FOXO3: variants seen among roughly 807,000 people sequenced by gnomAD.
The protein encoded by FOXO3 is forkhead box protein O3.
Under a neutral mutation model 41.9 loss-of-function variants are expected in FOXO3, and 4 were observed. The observed-to-expected ratio is 0.10, with a 90% confidence interval of 0.05 to 0.22. FOXO3 has a LOEUF of 0.22. Among genes scored for constraint, FOXO3 ranks in the 10% least tolerant of loss-of-function variants. FOXO3 has a pLI of 1.00. For missense variants in FOXO3, 534 were observed against 906.8 expected (o/e 0.59, Z 5.28); for synonymous variants, 318 against 389.3 (o/e 0.82, Z 2.16).
intron 1 of FOXO3, among the ~76,000 whole-genome samples, chr6:108,654,360 G>A (rs1305484842): frequency 2.6e-5 from 4 of 152,160 alleles, no homozygotes; most frequent in South Asian, 2.1e-4. Flanking sequence ...CAACAGAACC[G>A]TGTGTGGAGT....
intron 1 of FOXO3, among the ~76,000 whole-genome samples, chr6:108,562,704 C>T (rs1488698026): frequency 2.0e-5 from 3 of 152,118 alleles, no homozygotes; most frequent in South Asian, 2.1e-4. Flanking sequence ...TGTAAATGAA[C>T]CCGAAGAGAG....
At chr6:108,607,332 C>A (rs1271211403) in intron 1 of FOXO3, among the ~76,000 whole-genome samples, 1 of 151,656 alleles carries the variant, frequency 6.6e-6, no homozygotes, top group East Asian at 1.9e-4. Context: ...ACCTTTGGAT[C>A]GCAGCTACTT....
At chr6:108,587,335 G>C (rs1776608942) in intron 1 of FOXO3, among the ~76,000 whole-genome samples, 1 of 152,126 alleles carries the variant, frequency 6.6e-6, no homozygotes, top group Admixed American at 6.5e-5. Context: ...TGTGACAGAT[G>C]AAGGGGTCCT....
intron 1 of FOXO3, among the ~76,000 whole-genome samples, chr6:108,584,698 A>G (rs1057155849): frequency 1.6e-4 from 24 of 152,298 alleles, no homozygotes; most frequent in Admixed American, 1.6e-3. Context: ...ACTTGCATTT[A>G]CTAGGATGTA....
chr6:108,560,287 T>C (rs1775735243), upstream of FOXO3, among the ~76,000 whole-genome samples: 1 of 152,126 alleles, frequency 6.6e-6, no homozygotes, highest in African/African-American at 2.4e-5. Context: ...ATGTTCCGAC[T>C]CGCTCCCTCC....
chr6:108,612,120 T>C (rs998987675), intron 1 of FOXO3, among the ~76,000 whole-genome samples: 2 of 152,254 alleles, frequency 1.3e-5, no homozygotes, highest in African/African-American at 2.4e-5. Flanking sequence ...TCTAGTCATC[T>C]TTAATTTCTC....
intron 1 of FOXO3, among the ~76,000 whole-genome samples, chr6:108,628,952 C>T (rs1056097143): frequency 6.6e-6 from 1 of 152,026 alleles, no homozygotes; most frequent in Non-Finnish European, 1.5e-5. Context: ...TGTCATGTAG[C>T]AACAGAGTTT....
At position 108,644,790 on chromosome 6, in the gene FOXO3, G is replaced by T. The variant is rs557418515; in HGVS notation, c.622-18665G>T. ...TTCCTGACTTTCCAGTCTGTCTTAG[G>T]TACACCCAGCTGACCTTGTTATTTT... On this transcript the variant is annotated intron_variant, in intron 1 of 2. Coordinates refer to ENST00000406360, the MANE Select transcript of FOXO3 (RefSeq NM_001455.4). 2.4e-4 allele frequency among the ~76,000 whole-genome samples: 36 copies of T among 152,180 alleles called. No individual in the cohort carries two copies. In the South Asian group the frequency reaches 7.5e-3, roughly 32 times the overall value.
At chr6:108,605,605 T>A (rs961878800) in intron 1 of FOXO3, among the ~76,000 whole-genome samples, 1 of 152,246 alleles carries the variant, frequency 6.6e-6, no homozygotes, top group Non-Finnish European at 1.5e-5. Context: ...ATGACACTTC[T>A]GGTAAATAAA....
At chr6:108,586,411 G>A (rs1344351208) in intron 1 of FOXO3, among the ~76,000 whole-genome samples, 1 of 152,144 alleles carries the variant, frequency 6.6e-6, no homozygotes, top group South Asian at 2.1e-4. Flanking sequence ...TTGAAACTTG[G>A]TTCTCTGAGG....
chr6:108,612,454 C>A (rs12192569), intron 1 of FOXO3, among the ~76,000 whole-genome samples: 14,647 of 151,762 alleles, frequency 0.097, 733 homozygotes, highest in East Asian at 0.15. Context: ...CTGAGGTGGG[C>A]AGATCACCTG....
intron 1 of FOXO3, among the ~76,000 whole-genome samples, chr6:108,569,726 A>G (rs1776039725): frequency 6.6e-6 from 1 of 152,102 alleles, no homozygotes; most frequent in South Asian, 2.1e-4. Flanking sequence ...GATGTGCCCT[A>G]GGACTGCAGT....
At chr6:108,630,922 C>CA (rs1562250802) in intron 1 of FOXO3, among the ~76,000 whole-genome samples, 1 of 152,102 alleles carries the variant, frequency 6.6e-6, no homozygotes, top group South Asian at 2.1e-4. Flanking sequence ...GATTAGAATG[C>CA]AAAAAATAAT....
intron 1 of FOXO3, among the ~76,000 whole-genome samples, chr6:108,655,604 G>A (rs1393679722): frequency 2.0e-5 from 3 of 152,226 alleles, no homozygotes; most frequent in Non-Finnish European, 4.4e-5. Flanking sequence ...GGATGTGAGT[G>A]TTTAAAGTCT....
chr6:108,651,873 GCAAAAGGCAT>G (rs1288951818), intron 1 of FOXO3, among the ~76,000 whole-genome samples: 1 of 152,152 alleles, frequency 6.6e-6, no homozygotes, highest in Non-Finnish European at 1.5e-5. Context: ...CAGTTGGCAG[GCAAAAGGCAT>G]CATATTTTAA....
At chr6:108,634,512 A>G (rs1337156640) in intron 1 of FOXO3, among the ~76,000 whole-genome samples, 2 of 152,136 alleles carry the variant, frequency 1.3e-5, no homozygotes, top group Non-Finnish European at 2.9e-5. Context: ...CCATCTGCTA[A>G]TGATTTGAGC....
chr6:108,676,309 A>G (rs1267331624), intron 2 of FOXO3, among the ~76,000 whole-genome samples: 1 of 152,194 alleles, frequency 6.6e-6, no homozygotes, highest in African/African-American at 2.4e-5. Flanking sequence ...CATCAGCTGT[A>G]GCTTCATTTT....
intron 1 of FOXO3, among the ~76,000 whole-genome samples, chr6:108,591,188 TG>T (rs1224635413): frequency 6.6e-6 from 1 of 152,190 alleles, no homozygotes; most frequent in African/African-American, 2.4e-5. Flanking sequence ...TTTTCATTTT[TG>T]TACCCCACAT....
intron 1 of FOXO3, among the ~76,000 whole-genome samples, chr6:108,634,768 T>C (rs1231914302): frequency 6.6e-6 from 1 of 152,154 alleles, no homozygotes; most frequent in Non-Finnish European, 1.5e-5. Flanking sequence ...GGGTTTATTA[T>C]AACAGTCTTT....
Sources: allele counts gnomAD v4.1 joint callset (sites outside exome capture counted in the v4.1 genomes callset), GRCh38; gene constraint gnomAD v4.1.1; transcripts MANE v1.5; gene names NCBI Gene and HGNC (gene_info 2026-07-23, HGNC 2026-07-21).